The following TTLL11 variants were observed in gnomAD, a reference collection of about 807,000 sequenced individuals.
TTLL11 encodes tubulin tyrosine ligase like 11.
In TTLL11, 42 loss-of-function variants were observed where a neutral mutation model predicts 51.7. The observed-to-expected ratio is 0.81, with a 90% CI of 0.64 to 1.05. TTLL11 has a LOEUF of 1.05. TTLL11 is among the 50% of genes least tolerant of loss of function. The pLI is 0.00. For synonymous variants in TTLL11, 381 were observed against 383.5 expected (o/e 0.99, Z 0.08); for missense variants, 799 against 940.4 (o/e 0.85, Z 1.97).
intron 6 of TTLL11, among the ~76,000 whole-genome samples, chr9:121,887,590 G>A (rs1473567805): frequency 6.6e-6 from 1 of 152,238 alleles, no homozygotes; most frequent in African/African-American, 2.4e-5. Context: ...CCTGAAATAA[G>A]AAAGCACTAG....
chr9:121,960,893 C>T lies in TTLL11; in HGVS notation c.1481+13116G>A, dbSNP rs114779822. 3.1e-3 allele frequency among the ~76,000 whole-genome samples: 475 copies of T among 152,212 alleles called. 2 individuals carry two copies. The highest frequency in any genetic ancestry group is 0.011 in the African/African-American group (461 of 41,544). On this transcript the variant is annotated intron_variant, in intron 6 of 8. Transcript: ENST00000321582. ...GAGGATGAGCCTGGGGGTGGATCCT[C>T]CTGCTCTGAACCGCTCAAATTCCTC...
intron 1 of TTLL11, chr9:122,040,528 G>T: frequency 1.7e-6 from 1 of 589,560 alleles, no homozygotes; most frequent in Non-Finnish European, 2.1e-6. Context: ...TTCAGAATTT[G>T]CTTGTTAAAA....
chr9:121,900,784 C>T (rs1839744324), intron 6 of TTLL11, among the ~76,000 whole-genome samples: 1 of 152,126 alleles, frequency 6.6e-6, no homozygotes, highest in Non-Finnish European at 1.5e-5. Flanking sequence ...TGCCATTAAA[C>T]CCACTGAGTT....
At chr9:122,087,891 G>T (rs1490244766) in intron 1 of TTLL11, among the ~76,000 whole-genome samples, 1 of 152,184 alleles carries the variant, frequency 6.6e-6, no homozygotes, top group East Asian at 1.9e-4. Flanking sequence ...ACATGATTTT[G>T]CTATTTGAGA....
At chr9:121,915,980 G>GACAC (rs1345897073) in intron 6 of TTLL11, among the ~76,000 whole-genome samples, 50 of 98,648 alleles carry the variant, frequency 5.1e-4, no homozygotes, top group Non-Finnish European at 6.5e-4. Context: ...TATAGACAAA[G>GACAC]ACACACACAT....
chr9:121,891,054 GCCC>G (rs1359406318), intron 6 of TTLL11, among the ~76,000 whole-genome samples: 1 of 152,114 alleles, frequency 6.6e-6, no homozygotes, highest in Non-Finnish European at 1.5e-5. Context: ...GGTTTGTGGG[GCCC>G]CCTTCACTAG....
intron 8 of TTLL11, among the ~76,000 whole-genome samples, chr9:121,833,770 T>C (rs1039616053): frequency 6.6e-6 from 1 of 152,228 alleles, no homozygotes; most frequent in African/African-American, 2.4e-5. Flanking sequence ...CAGAGCACAT[T>C]TGAATATATG....
At chr9:122,081,244 G>C (rs911818382) in intron 1 of TTLL11, among the ~76,000 whole-genome samples, 1 of 152,206 alleles carries the variant, frequency 6.6e-6, no homozygotes, top group African/African-American at 2.4e-5. Context: ...CGGTCCACTA[G>C]AACAAGACCT....
intron 1 of TTLL11, among the ~76,000 whole-genome samples, chr9:122,081,400 C>A (rs1039289833): frequency 6.6e-6 from 1 of 152,290 alleles, no homozygotes; most frequent in South Asian, 2.1e-4. Flanking sequence ...CATGGAATAA[C>A]CCCCTAAGTA....
intron 6 of TTLL11, among the ~76,000 whole-genome samples, chr9:121,958,037 C>T (rs980376220): frequency 7.2e-5 from 11 of 152,346 alleles, no homozygotes; most frequent in African/African-American, 2.6e-4. Flanking sequence ...TCAATAGCTA[C>T]TTGTGGAACG....
At chr9:122,053,483 A>G (rs1845216654) in intron 1 of TTLL11, among the ~76,000 whole-genome samples, 1 of 152,140 alleles carries the variant, frequency 6.6e-6, no homozygotes, top group Non-Finnish European at 1.5e-5. Context: ...GTAGGCTCAC[A>G]GGGCAAGCTG....
At position 121,989,783 on chromosome 9, in the gene TTLL11, A is replaced by G. The variant is rs1843059081; in HGVS notation, c.694-13T>C. ...TCACCATTTGAACCTGGAGGGGGAA[A>G]AAAGGATGGCCGACATTATATTGTT... is the stretch of plus-strand genomic sequence containing the variant. On this transcript the variant is annotated splice_polypyrimidine_tract_variant and intron_variant, in intron 3 of 8. Coordinates refer to ENST00000321582, the MANE Select transcript of TTLL11 (RefSeq NM_001139442.2). This position sits in a 1 kb window ranked among gnomAD's most constrained non-coding sequence, Gnocchi z 4.2. 3.2e-6 allele frequency: 5 copies of G among 1,577,624 alleles called. No homozygotes were observed. The highest frequency in any genetic ancestry group is 2.7e-5 in the African/African-American group (2 of 73,668).
chr9:122,035,853 T>C (rs1844686028), intron 2 of TTLL11, among the ~76,000 whole-genome samples: 2 of 152,216 alleles, frequency 1.3e-5, no homozygotes, highest in African/African-American at 4.8e-5. Flanking sequence ...GCTCTAACAA[T>C]GCTGTAGTTG....
At chr9:121,934,101 T>G (rs1400095727) in intron 6 of TTLL11, among the ~76,000 whole-genome samples, 1 of 152,062 alleles carries the variant, frequency 6.6e-6, no homozygotes, top group Non-Finnish European at 1.5e-5. Context: ...TGGTGTCACA[T>G]GCCTACATGT....
intron 1 of TTLL11, among the ~76,000 whole-genome samples, chr9:122,082,982 C>T (rs949713943): frequency 2.0e-5 from 3 of 151,880 alleles, no homozygotes; most frequent in Admixed American, 6.6e-5. Context: ...TGCAGTGAGC[C>T]GAGATTGCGC....
intron 1 of TTLL11, among the ~76,000 whole-genome samples, chr9:122,073,212 C>T (rs1343856962): frequency 6.6e-6 from 1 of 152,048 alleles, no homozygotes; most frequent in Non-Finnish European, 1.5e-5. Flanking sequence ...GAATTTGAGA[C>T]CACCCTGGGC....
chr9:121,886,556 G>A (rs1424596413), intron 6 of TTLL11, among the ~76,000 whole-genome samples: 3 of 152,112 alleles, frequency 2.0e-5, no homozygotes, highest in African/African-American at 7.2e-5. Flanking sequence ...CTTTGGAGGG[G>A]GCATGGCCCT....
chr9:121,843,589 A>T (rs1460390406), intron 8 of TTLL11, among the ~76,000 whole-genome samples: 1 of 152,300 alleles, frequency 6.6e-6, no homozygotes, highest in African/African-American at 2.4e-5. Context: ...TGGGGGAGGT[A>T]ACCATTTTGG....
chr9:121,930,421 T>C (rs547953674), intron 6 of TTLL11, among the ~76,000 whole-genome samples: 65 of 152,350 alleles, frequency 4.3e-4, no homozygotes, highest in African/African-American at 1.5e-3. Context: ...AAAGTATAGA[T>C]ACAAATTGGT....
Sources: allele counts gnomAD v4.1 joint callset (sites outside exome capture counted in the v4.1 genomes callset), GRCh38; gene constraint gnomAD v4.1.1; non-coding constraint Gnocchi (gnomAD v3.1); transcripts MANE v1.5; gene names NCBI Gene and HGNC (gene_info 2026-07-23, HGNC 2026-07-21).